Variants in SDK1 observed in about 807,000 individuals in gnomAD.
The protein encoded by SDK1 is protein sidekick-1.
A neutral mutation model predicts 245.5 loss-of-function variants in SDK1; 157 were observed. The ratio of observed to expected loss-of-function variants is 0.64; its 90% CI spans 0.56 to 0.73. The LOEUF is 0.73. SDK1 is among the 30% of genes least tolerant of loss of function. SDK1 has a pLI of 0.00. For missense variants in SDK1, 3,583 were observed against 3,002.3 expected (o/e 1.19, Z -4.52); for synonymous variants, 1,647 against 1,278.5 (o/e 1.29, Z -6.15).
chr7:4,192,036 C>T (rs1783241098), intron 35 of SDK1, among the ~76,000 whole-genome samples: 1 of 152,220 alleles, frequency 6.6e-6, no homozygotes, highest in Non-Finnish European at 1.5e-5. Flanking sequence ...AACTCTTCCC[C>T]TCTTTGCCTG....
chr7:3,734,354 A>G (rs773967806), intron 4 of SDK1, among the ~76,000 whole-genome samples: 1 of 152,218 alleles, frequency 6.6e-6, no homozygotes. Flanking sequence ...ATCAGGAAGA[A>G]TGTTGAATTT....
At position 3,761,314 on chromosome 7, in the gene SDK1, G is replaced by C. The variant is rs1780094290; in HGVS notation, c.714-60136G>C. Among the ~76,000 whole-genome samples, 4 of 134,784 alleles carry C rather than the reference G, an allele frequency of 3.0e-5. No homozygotes were observed. The Admixed American group carries it at 3.3e-4, about 11-fold the overall frequency. 88.4% of individuals were successfully genotyped at this position (134,784 alleles called of 152,430 possible). ...TGATGATCTATTTAGTTATTAGGTGGCAACTCATGTCAACAAGTGAATTCA... is the reference window on the plus strand; with the variant it reads ...TGATGATCTATTTAGTTATTAGGTGCCAACTCATGTCAACAAGTGAATTCA... On this transcript the variant is annotated intron_variant, in intron 4 of 44. Transcript: ENST00000404826.
intron 4 of SDK1, among the ~76,000 whole-genome samples, chr7:3,819,311 G>C (rs576702246): frequency 1.3e-3 from 195 of 151,376 alleles, no homozygotes; most frequent in African/African-American, 4.6e-3. Flanking sequence ...AAAGATAAAA[G>C]TTATAATAGA....
At chr7:3,645,190 C>G (rs559738535) in intron 4 of SDK1, among the ~76,000 whole-genome samples, 9 of 152,218 alleles carry the variant, frequency 5.9e-5, no homozygotes, top group African/African-American at 1.7e-4. Flanking sequence ...CTGTTTAATT[C>G]CTGGTGAGCT....
At chr7:3,637,850 A>T (rs1782515821) in intron 2 of SDK1, among the ~76,000 whole-genome samples, 1 of 152,262 alleles carries the variant, frequency 6.6e-6, no homozygotes, top group Admixed American at 6.5e-5. Context: ...AGAGATGTCC[A>T]CATTGGTGAC....
chr7:3,760,680 T>C (rs1241434012), intron 4 of SDK1, among the ~76,000 whole-genome samples: 1 of 152,180 alleles, frequency 6.6e-6, no homozygotes, highest in African/African-American at 2.4e-5. Context: ...ATTTCTGCAT[T>C]TGGATGTGGT....
rs1583515564 is a variant in SDK1 at position 3,888,441 on chromosome 7, T to C, written c.848-62482T>C. Among the ~76,000 whole-genome samples, 4 of 152,330 alleles carry C rather than the reference T, an allele frequency of 2.6e-5. 1 individual carries two copies. Among genetic ancestry groups the C allele is most frequent in the Admixed American group, 2.6e-4 (4 of 15,302 alleles). On this transcript the variant is annotated intron_variant, in intron 5 of 44. Coordinates refer to ENST00000404826, the MANE Select transcript of SDK1 (RefSeq NM_152744.4). ...AGGCTTATGCTGTTATTAGTCCTGA[T>C]GTACAGAGTGGATTCACAGAGGCCC... is the stretch of plus-strand genomic sequence containing the variant.
intron 35 of SDK1, among the ~76,000 whole-genome samples, chr7:4,194,376 G>T (rs866789853): frequency 9.8e-6 from 1 of 101,936 alleles, no homozygotes; most frequent in Non-Finnish European, 2.0e-5. Context: ...GTGTATACAT[G>T]TATGTGTATA....
At chr7:4,232,957 C>T (rs1785890420) in intron 40 of SDK1, 2 of 257,356 alleles carry the variant, frequency 7.8e-6, no homozygotes, top group Non-Finnish European at 1.5e-5. Context: ...ATCATACATA[C>T]ATATATTTAC....
intron 35 of SDK1, among the ~76,000 whole-genome samples, chr7:4,182,638 C>A (rs537891192): frequency 6.6e-6 from 1 of 152,146 alleles, no homozygotes; most frequent in East Asian, 1.9e-4. Flanking sequence ...GGAGAAGGAA[C>A]CTATGGTCTC....
intron 1 of SDK1, among the ~76,000 whole-genome samples, chr7:3,546,335 C>T (rs767422578): frequency 6.6e-5 from 10 of 152,204 alleles, no homozygotes; most frequent in South Asian, 2.1e-4. Context: ...GTAGGTCTCT[C>T]GGCCCCTCTA....
intron 1 of SDK1, among the ~76,000 whole-genome samples, chr7:3,312,760 T>G (rs1180599259): frequency 6.6e-6 from 1 of 152,072 alleles, no homozygotes; most frequent in African/African-American, 2.4e-5. Context: ...AATGAGGAAG[T>G]CTCATATTAC....
chr7:3,450,556 A>G (rs1245467650), intron 1 of SDK1, among the ~76,000 whole-genome samples: 2 of 152,182 alleles, frequency 1.3e-5, no homozygotes, highest in African/African-American at 2.4e-5. Flanking sequence ...GTAGACTTGC[A>G]GGGATTTGGT....
In SDK1 at chr7:3,407,862, A is replaced by G. The variant is rs73298370; in HGVS notation, c.298+105978A>G. On this transcript the variant is annotated intron_variant, in intron 1 of 44. Transcript: ENST00000404826. ...TTTAACTGCCACTTACTGAGTGACTAGCACAGGTGAGGCATCCTACCAGGC... is the reference window on the plus strand; with the variant it reads ...TTTAACTGCCACTTACTGAGTGACTGGCACAGGTGAGGCATCCTACCAGGC... Among the ~76,000 whole-genome samples, 1,402 of 152,278 alleles carry G rather than the reference A, an allele frequency of 9.2e-3. 29 individuals are homozygous for G. Among genetic ancestry groups the G allele is most frequent in the African/African-American group, 0.032 (1,324 of 41,542 alleles).
intron 4 of SDK1, among the ~76,000 whole-genome samples, chr7:3,783,066 A>T (rs1006819472): frequency 6.6e-6 from 1 of 152,250 alleles, no homozygotes; most frequent in African/African-American, 2.4e-5. Context: ...ATGGTTCACC[A>T]TACACAAATC....
chr7:3,462,457 T>C (rs1780863095), intron 1 of SDK1, among the ~76,000 whole-genome samples: 1 of 152,216 alleles, frequency 6.6e-6, no homozygotes, highest in Non-Finnish European at 1.5e-5. Context: ...TCCTAAGCTA[T>C]TTCATTCATG....
chr7:3,441,569 T>A (rs1229054129), intron 1 of SDK1, among the ~76,000 whole-genome samples: 2 of 152,164 alleles, frequency 1.3e-5, no homozygotes, highest in African/African-American at 4.8e-5. Flanking sequence ...GTTGATACAT[T>A]TGTGTCTCTT....
intron 1 of SDK1, among the ~76,000 whole-genome samples, chr7:3,462,157 G>A (rs1278274132): frequency 6.6e-6 from 1 of 152,124 alleles, no homozygotes; most frequent in Non-Finnish European, 1.5e-5. Context: ...AGGCTGATCA[G>A]TGACTTCAGT....
intron 1 of SDK1, among the ~76,000 whole-genome samples, chr7:3,461,311 T>G (rs73671831): frequency 5.9e-5 from 9 of 152,202 alleles, no homozygotes; most frequent in African/African-American, 9.6e-5. Context: ...ATGGTCTGTT[T>G]CCCATAAATT....
Sources: allele counts gnomAD v4.1 joint callset (sites outside exome capture counted in the v4.1 genomes callset), GRCh38; gene constraint gnomAD v4.1.1; transcripts MANE v1.5; gene names NCBI Gene and HGNC (gene_info 2026-07-23, HGNC 2026-07-21).